The following DGKD variants were observed in gnomAD, a reference collection of about 807,000 sequenced individuals.
DGKD encodes the protein diacylglycerol kinase delta.
DGKD carries 68 observed loss-of-function variants against 154.4 expected under a neutral mutation model. That is an observed-to-expected ratio of 0.44 (90% CI 0.36 to 0.54). The LOEUF (loss-of-function observed/expected upper bound fraction) is 0.54, where lower values mean the gene tolerates loss of function less well. DGKD is among the 20% of genes least tolerant of loss of function. The pLI, the probability that DGKD is intolerant of heterozygous loss-of-function variation, is 0.00. For synonymous variants in DGKD, 693 were observed against 638.0 expected (o/e 1.09, Z -1.30); for missense variants, 1,343 against 1,593.6 (o/e 0.84, Z 2.68).
At position 233,459,694 on chromosome 2, in the gene DGKD, T is replaced by A; in HGVS notation, c.2695-63T>A. On this transcript the variant is annotated intron_variant, in intron 22 of 29. Coordinates refer to ENST00000264057, the MANE Select transcript of DGKD (RefSeq NM_152879.3). The surrounding 1 kb of genome is among the most constrained non-coding windows in gnomAD (Gnocchi z 5.7). The stretch of plus-strand genomic sequence containing the variant: ...AGCAGGAAGGTCATGGTGGTGCTGA[T>A]AGCACTTTTAAACCCCTGGGGGTTT... 6.3e-7 allele frequency: 1 copy of A among 1,577,848 alleles called. No homozygotes were observed. Among genetic ancestry groups the A allele is most frequent in the Non-Finnish European group, 8.6e-7 (1 of 1,159,894 alleles).
intron 26 of DGKD, 143 bp from the exon 27 acceptor site, chr2:233,464,021 G>C: frequency 8.5e-7 from 1 of 1,174,274 alleles, no homozygotes; most frequent in Non-Finnish European, 1.2e-6. Context: ...TCCTTTTCTG[G>C]TGCTCTGGGA....
chr2:233,380,256 G>C (rs150491876), intron 1 of DGKD, among the ~76,000 whole-genome samples: 2,795 of 152,274 alleles, frequency 0.018, 39 homozygotes, highest in Middle Eastern at 0.065. Flanking sequence ...AGTGAGATGA[G>C]GTACATTTCA....
At chr2:233,451,634 C>A (rs2063298750) in intron 17 of DGKD, among the ~76,000 whole-genome samples, 1 of 150,348 alleles carries the variant, frequency 6.7e-6, no homozygotes, top group African/African-American at 2.5e-5. Flanking sequence ...GTGATGTGGT[C>A]ATGGCACACT....
Position 233,459,840 on chromosome 2 carries a change from G to A in DGKD, c.2778G>A (p.Gly926=), listed in dbSNP as rs1469248360. 2 of 1,614,094 alleles carry A rather than the reference G, an allele frequency of 1.2e-6. No individual in the cohort carries two copies. The highest frequency in any genetic ancestry group is 2.2e-5 in the East Asian group (1 of 44,872). Residue 926 remains glycine (G), a synonymous_variant, in exon 23 of 30, where the codon GGG becomes GGA. Coordinates refer to ENST00000264057, the MANE Select transcript of DGKD (RefSeq NM_152879.3). The surrounding 1 kb of genome is among the most constrained non-coding windows in gnomAD (Gnocchi z 5.7). ...VDGEAWVQPP[G]YIRIVHKNRA... ...GAGAGGCCTGGGTCCAGCCGCCAGG[G>A]TACATTCGGATTGTCCACAAGAACC...
chr2:233,443,208 C>G (rs377104232), intron 10 of DGKD, among the ~76,000 whole-genome samples: 1 of 152,184 alleles, frequency 6.6e-6, no homozygotes, highest in African/African-American at 2.4e-5. Flanking sequence ...AGTTTTTGTC[C>G]AGCTAAGTAG....
rs774373359 is a variant in DGKD at position 233,471,224 on chromosome 2, A to G, written c.*1764A>G. 2.0e-5 allele frequency: 3 copies of G among 152,322 alleles called. No homozygotes were observed. The highest frequency in any genetic ancestry group is 4.4e-5 in the Non-Finnish European group (3 of 68,048). 9.4% of individuals were successfully genotyped at this position (152,322 alleles called of 1,614,324 possible). A position where few individuals can be genotyped will look rare whatever the true frequency, so the allele number is the denominator to read the frequency against. On this transcript the variant is annotated 3_prime_UTR_variant, in exon 30 of 30. Coordinates refer to ENST00000264057, the MANE Select transcript of DGKD (RefSeq NM_152879.3). ...GCATGCGACGTGTTGGGATTTTTGGATGAAAGACTCTCCCACGCTCTGTTG... is the reference window on the plus strand; with the variant it reads ...GCATGCGACGTGTTGGGATTTTTGGGTGAAAGACTCTCCCACGCTCTGTTG...
intron 1 of DGKD, among the ~76,000 whole-genome samples, chr2:233,371,338 A>G (rs1387571982): frequency 6.6e-6 from 1 of 152,140 alleles, no homozygotes; most frequent in Non-Finnish European, 1.5e-5. Context: ...CCATTTGTAT[A>G]TATTTTTTGA....
intron 3 of DGKD, among the ~76,000 whole-genome samples, chr2:233,417,011 T>C (rs2061976588): frequency 6.6e-6 from 1 of 152,174 alleles, no homozygotes; most frequent in South Asian, 2.1e-4. Context: ...TTGCTTACTG[T>C]GTCTTAGTTC....
intron 1 of DGKD, among the ~76,000 whole-genome samples, chr2:233,376,103 G>A (rs1039911106): frequency 2.4e-4 from 36 of 152,186 alleles, no homozygotes; most frequent in African/African-American, 8.0e-4. Context: ...CAGAGCGCAT[G>A]TGTGTATTTT....
intron 12 of DGKD, chr2:233,447,390 C>G (rs1270293847): frequency 1.3e-6 from 1 of 797,222 alleles, no homozygotes; most frequent in African/African-American, 1.9e-5. Flanking sequence ...TGGGGTAGTA[C>G]AAAGAGGTGA....
chr2:233,362,948 C>G (rs145201232), intron 1 of DGKD, among the ~76,000 whole-genome samples: 2 of 152,134 alleles, frequency 1.3e-5, no homozygotes, highest in Non-Finnish European at 2.9e-5. Flanking sequence ...GTAAACAGAC[C>G]TACTGCACTG....
intron 3 of DGKD, among the ~76,000 whole-genome samples, chr2:233,407,748 C>CAG (rs2061721473): frequency 6.6e-6 from 1 of 152,202 alleles, no homozygotes; most frequent in Non-Finnish European, 1.5e-5. Context: ...GCCTGGGCAA[C>CAG]AGAGAGAGAT....
At chr2:233,375,669 G>A (rs1204242619) in intron 1 of DGKD, among the ~76,000 whole-genome samples, 1 of 152,108 alleles carries the variant, frequency 6.6e-6, no homozygotes, top group Non-Finnish European at 1.5e-5. Context: ...GGCCTCTGGT[G>A]TGTTTCACTG....
chr2:233,414,624 G>A (rs1232842196), intron 3 of DGKD, among the ~76,000 whole-genome samples: 2 of 152,222 alleles, frequency 1.3e-5, no homozygotes, highest in Non-Finnish European at 2.9e-5. Flanking sequence ...CAGGTATCGT[G>A]GTCCTGGGTC....
intron 1 of DGKD, among the ~76,000 whole-genome samples, chr2:233,371,229 T>C (rs1368001348): frequency 6.6e-6 from 1 of 151,922 alleles, no homozygotes; most frequent in Non-Finnish European, 1.5e-5. Flanking sequence ...TTCCACTTAT[T>C]ATAATATAAA....
intron 1 of DGKD, 197 bp from the exon 2 acceptor site, chr2:233,388,060 G>A (rs1430934143): frequency 2.4e-6 from 3 of 1,263,426 alleles, no homozygotes; most frequent in African/African-American, 1.5e-5. Flanking sequence ...GCCCCTTAGA[G>A]GACAGGATTG....
At chr2:233,435,968 C>T (rs774256859) in intron 6 of DGKD, 44 bp downstream of exon 6, 1 of 1,544,222 alleles carries the variant, frequency 6.5e-7, no homozygotes, top group South Asian at 1.2e-5. Flanking sequence ...GCCAGGGTCC[C>T]CCACCTGCAC....
At chr2:233,433,488 A>G (rs1431372682) in intron 3 of DGKD, among the ~76,000 whole-genome samples, 1 of 152,230 alleles carries the variant, frequency 6.6e-6, no homozygotes, top group African/African-American at 2.4e-5. Flanking sequence ...AGGTACAAAA[A>G]TGTAGTTAGA....
intron 1 of DGKD, among the ~76,000 whole-genome samples, chr2:233,378,648 C>T (rs1270563417): frequency 8.5e-5 from 13 of 152,300 alleles, no homozygotes; most frequent in South Asian, 2.1e-4. Flanking sequence ...TTTGTTTAAG[C>T]GCCTTTTGCA....
Sources: allele counts gnomAD v4.1 joint callset (sites outside exome capture counted in the v4.1 genomes callset), GRCh38; gene constraint gnomAD v4.1.1; non-coding constraint Gnocchi (gnomAD v3.1); transcripts MANE v1.5; gene names NCBI Gene and HGNC (gene_info 2026-07-23, HGNC 2026-07-21).